The following CLVS1 variants were observed in gnomAD, a reference collection of about 807,000 sequenced individuals.
The protein encoded by CLVS1 is clavesin-1.
A neutral mutation model predicts 33.1 loss-of-function variants in CLVS1; 10 were observed. The observed-to-expected ratio is 0.30, with a 90% CI of 0.19 to 0.51. The LOEUF (loss-of-function observed/expected upper bound fraction) is 0.51. Ranked by LOEUF, CLVS1 falls within the 20% of genes least tolerant of loss-of-function variation. CLVS1 has a pLI of 0.97. For synonymous variants in CLVS1, 163 were observed against 166.1 expected, an observed-to-expected ratio of 0.98 and a Z score of 0.14; for missense variants, 343 against 433.4, an observed-to-expected ratio of 0.79 and a Z score of 1.85.
chr8:61,317,477 A>G (rs1422826461), intron 2 of CLVS1, among the ~76,000 whole-genome samples: 1 of 152,192 alleles, frequency 6.6e-6, no homozygotes, highest in African/African-American at 2.4e-5. Context: ...TTTATCCCCT[A>G]GGATTAATTC....
At chr8:61,237,144 A>G (rs946094581) in intron 2 of CLVS1, among the ~76,000 whole-genome samples, 2 of 152,254 alleles carry the variant, frequency 1.3e-5, no homozygotes, top group Non-Finnish European at 2.9e-5. Context: ...ATTAAACCCA[A>G]GAGAAGTCCA....
chr8:61,492,839 G>T (rs1265329271), intron 5 of CLVS1, among the ~76,000 whole-genome samples: 1 of 152,046 alleles, frequency 6.6e-6, no homozygotes, highest in Non-Finnish European at 1.5e-5. Context: ...TTATTTATCG[G>T]GTTCAGTAAA....
intron 1 of CLVS1, among the ~76,000 whole-genome samples, chr8:61,126,508 G>C (rs1251600387): frequency 6.6e-6 from 1 of 152,022 alleles, no homozygotes; most frequent in African/African-American, 2.4e-5. Flanking sequence ...CACAAAATTG[G>C]GCTTATAAAT....
chr8:61,410,751 C>T (rs1368707488), intron 3 of CLVS1, among the ~76,000 whole-genome samples: 1 of 152,182 alleles, frequency 6.6e-6, no homozygotes, highest in Non-Finnish European at 1.5e-5. Context: ...AAGCAATTCT[C>T]CTGCCTCAGC....
intron 1 of CLVS1, among the ~76,000 whole-genome samples, chr8:61,067,812 G>A (rs1804710076): frequency 2.0e-5 from 3 of 152,064 alleles, no homozygotes; most frequent in South Asian, 4.2e-4. Flanking sequence ...ATAAACACTG[G>A]GGACTACTAG....
chr8:61,127,217 T>C (rs999448812), intron 1 of CLVS1, among the ~76,000 whole-genome samples: 1 of 140,534 alleles, frequency 7.1e-6, no homozygotes, highest in East Asian at 2.0e-4. Context: ...GAGATCAAGC[T>C]TTTTTTTTTT....
intron 2 of CLVS1, among the ~76,000 whole-genome samples, chr8:61,226,103 A>G (rs1302352628): frequency 6.6e-6 from 1 of 152,252 alleles, no homozygotes; most frequent in Non-Finnish European, 1.5e-5. Flanking sequence ...TTTGAGATGC[A>G]TGGACGATAC....
At chr8:60,981,316 A>G in the CLVS1 span, among the ~76,000 whole-genome samples, 289 of 152,374 alleles carry the variant, frequency 1.9e-3, 1 homozygote, top group African/African-American at 6.6e-3. Flanking sequence ...TACAGATGCT[A>G]GAACATAAGA....
intron 2 of CLVS1, among the ~76,000 whole-genome samples, chr8:61,160,959 A>C (rs186982497): frequency 7.6e-4 from 116 of 152,334 alleles, no homozygotes; most frequent in Non-Finnish European, 1.4e-3. Context: ...AAGATATATA[A>C]GTGACCCAAA....
chr8:61,248,893 G>T (rs149252551), intron 2 of CLVS1, among the ~76,000 whole-genome samples: 1 of 151,980 alleles, frequency 6.6e-6, no homozygotes, highest in African/African-American at 2.4e-5. Context: ...ATGAGGGATC[G>T]TCAACTATGA....
At chr8:61,187,562 A>G (rs1807367116) in intron 2 of CLVS1, among the ~76,000 whole-genome samples, 1 of 152,110 alleles carries the variant, frequency 6.6e-6, no homozygotes, top group Admixed American at 6.6e-5. Flanking sequence ...TTTAGTAACC[A>G]AAGTACAGAC....
chr8:61,456,777 G>A (rs1398516038), intron 4 of CLVS1, among the ~76,000 whole-genome samples: 1 of 151,894 alleles, frequency 6.6e-6, no homozygotes, highest in African/African-American at 2.4e-5. Context: ...AATTAGCTGG[G>A]CGTGGTGGCA....
At chr8:61,036,622 G>T in the CLVS1 span, among the ~76,000 whole-genome samples, 11 of 152,146 alleles carry the variant, frequency 7.2e-5, no homozygotes, top group African/African-American at 2.2e-4. Flanking sequence ...AGAACTGGTA[G>T]AGTTTATTGG....
At chr8:61,131,247 C>A (rs1019343958) in intron 1 of CLVS1, among the ~76,000 whole-genome samples, 1 of 152,138 alleles carries the variant, frequency 6.6e-6, no homozygotes, top group African/African-American at 2.4e-5. Context: ...AGCACATATG[C>A]ATTTTAGGAA....
At chr8:61,386,010 C>T (rs1385378059) in intron 3 of CLVS1, among the ~76,000 whole-genome samples, 5 of 152,146 alleles carry the variant, frequency 3.3e-5, no homozygotes, top group Admixed American at 3.3e-4. Context: ...ATACATCACC[C>T]GGAAATTGGA....
At chr8:61,225,126 G>A (rs749223633) in intron 2 of CLVS1, among the ~76,000 whole-genome samples, 3 of 152,194 alleles carry the variant, frequency 2.0e-5, no homozygotes, top group African/African-American at 7.2e-5. Context: ...AGACCAGCCC[G>A]ACCAACATGG....
At chr8:61,230,604 A>G (rs1292507231) in intron 2 of CLVS1, among the ~76,000 whole-genome samples, 1 of 152,198 alleles carries the variant, frequency 6.6e-6, no homozygotes, top group Non-Finnish European at 1.5e-5. Context: ...TTTTATTTAA[A>G]TTAACCTTAA....
chr8:61,143,459 G>A (rs1806349767), intron 2 of CLVS1, among the ~76,000 whole-genome samples: 1 of 152,142 alleles, frequency 6.6e-6, no homozygotes, highest in East Asian at 1.9e-4. Context: ...ATATGAGCAA[G>A]CATGTACAGC....
chr8:61,317,226 A>G (rs1435163072), intron 2 of CLVS1, among the ~76,000 whole-genome samples: 1 of 152,168 alleles, frequency 6.6e-6, no homozygotes, highest in Non-Finnish European at 1.5e-5. Flanking sequence ...TCTGCTTCCA[A>G]GATGGTGTCC....
Sources: gnomAD v4.1 joint callset for allele counts (sites outside exome capture counted in the v4.1 genomes callset) on GRCh38, gnomAD v4.1.1 for gene constraint, MANE v1.5 for transcripts, NCBI Gene and HGNC (gene_info 2026-07-23, HGNC 2026-07-21) for gene names.